The following HACD3 variants were observed in gnomAD, a reference collection of about 807,000 sequenced individuals.
HACD3 encodes 3-hydroxyacyl-CoA dehydratase 3, also known as very-long-chain (3R)-3-hydroxyacyl-CoA dehydratase 3.
Under a neutral mutation model 55.2 loss-of-function variants are expected in HACD3, and 30 were observed. The observed-to-expected ratio is 0.54, with a 90% CI of 0.41 to 0.74. The LOEUF (loss-of-function observed/expected upper bound fraction) is 0.74, where lower values mean the gene tolerates loss of function less well. HACD3 is among the 30% of genes least tolerant of loss of function. The pLI is 0.00. For missense variants in HACD3, 363 were observed against 440.1 expected (o/e 0.82, Z 1.57); for synonymous variants, 141 against 151.7 (o/e 0.93, Z 0.52).
chr15:65,544,203 A>C (rs937229460), intron 1 of HACD3, among the ~76,000 whole-genome samples: 2 of 151,948 alleles, frequency 1.3e-5, no homozygotes, highest in Admixed American at 1.3e-4. Flanking sequence ...TAAAAAGAAA[A>C]TCCGTGAGCC....
intron 10 of HACD3, among the ~76,000 whole-genome samples, chr15:65,575,060 C>T (rs1458902022): frequency 2.0e-5 from 3 of 152,028 alleles, no homozygotes; most frequent in Non-Finnish European, 4.4e-5. Flanking sequence ...ATCTACTTTG[C>T]TTATAGTGAA....
Position 65,530,568 on chromosome 15 carries a change from G to A in HACD3, c.-64G>A. ...GGCCTGCTTTCTGCTCGCGCCAGCAGAGCACTACCTGAGGCAGCGAGGCGC... is the reference window on the plus strand; with the variant it reads ...GGCCTGCTTTCTGCTCGCGCCAGCAAAGCACTACCTGAGGCAGCGAGGCGC... On this transcript the variant is annotated 5_prime_UTR_variant, in exon 1 of 11. Coordinates refer to ENST00000261875, the MANE Select transcript of HACD3 (RefSeq NM_016395.4). The A allele has an allele frequency of 1.4e-6, 2 of 1,448,538 alleles. No homozygotes were observed. The highest frequency in any genetic ancestry group is 1.9e-6 in the Non-Finnish European group (2 of 1,062,044). The allele number at this position is 1,448,538 out of a possible 1,614,324, so 89.7% of individuals were successfully genotyped here.
chr15:65,535,604 G>A, intron 1 of HACD3: 1 of 401,014 alleles, frequency 2.5e-6, no homozygotes. Context: ...TAGTGTCTCT[G>A]TGTTGTATTT....
chr15:65,532,487 T>TGGTG (rs927905933), intron 1 of HACD3, among the ~76,000 whole-genome samples: 1 of 152,034 alleles, frequency 6.6e-6, no homozygotes, highest in Non-Finnish European at 1.5e-5. Flanking sequence ...TAGCCGGGCA[T>TGGTG]GGTGGTGCAT....
At chr15:65,535,344 T>C (rs995760624) in intron 1 of HACD3, among the ~76,000 whole-genome samples, 2 of 152,052 alleles carry the variant, frequency 1.3e-5, no homozygotes, top group African/African-American at 2.4e-5. Flanking sequence ...TACAGACCAA[T>C]AGGCAAAAGA....
chr15:65,539,174 A>G (rs1382923693), intron 1 of HACD3, among the ~76,000 whole-genome samples: 1 of 145,932 alleles, frequency 6.9e-6, no homozygotes, highest in East Asian at 2.0e-4. Context: ...AAAGCCTGAC[A>G]TGACCAAGTG....
At chr15:65,562,721 C>T (rs1355216354) in intron 5 of HACD3, 53 bp from the exon 6 acceptor site, 1 of 1,587,362 alleles carries the variant, frequency 6.3e-7, no homozygotes, top group African/African-American at 1.3e-5. Context: ...ATACACCTGT[C>T]TCCTGCTGGG....
At chr15:65,555,791 C>G (rs1391126554) in intron 3 of HACD3, among the ~76,000 whole-genome samples, 1 of 152,166 alleles carries the variant, frequency 6.6e-6, no homozygotes, top group Non-Finnish European at 1.5e-5. Context: ...CAGTTCTGAT[C>G]TTGATGCAGG....
At chr15:65,566,282 CG>C (rs2072290301) in intron 7 of HACD3, 1 of 164,350 alleles carries the variant, frequency 6.1e-6, no homozygotes, top group South Asian at 2.0e-4. Flanking sequence ...TCCACATTTT[CG>C]GGTATCTTTT....
chr15:65,534,668 A>G (rs1180093879), intron 1 of HACD3, among the ~76,000 whole-genome samples: 1 of 152,224 alleles, frequency 6.6e-6, no homozygotes, highest in Non-Finnish European at 1.5e-5. Context: ...TCTGGTGGAA[A>G]GAGTGCTAAC....
chr15:65,572,927 AAAAT>A (rs1567341527), intron 10 of HACD3, among the ~76,000 whole-genome samples: 32 of 139,298 alleles, frequency 2.3e-4, no homozygotes, highest in Non-Finnish European at 2.9e-4. Flanking sequence ...AAAAAAAAAA[AAAAT>A]AAATAAATAA....
At chr15:65,573,291 T>TG (rs1446024407) in intron 10 of HACD3, among the ~76,000 whole-genome samples, 1 of 152,008 alleles carries the variant, frequency 6.6e-6, no homozygotes, top group Non-Finnish European at 1.5e-5. Context: ...ATAAGGATTT[T>TG]TTTTTGTTGT....
chr15:65,543,134 C>T (rs893428378), intron 1 of HACD3, among the ~76,000 whole-genome samples: 46 of 150,796 alleles, frequency 3.1e-4, no homozygotes, highest in African/African-American at 1.0e-3. Context: ...ACCAAAAGGA[C>T]CTAACTGTGT....
At chr15:65,552,996 T>C (rs1235405811) in intron 2 of HACD3, 1 of 152,036 alleles carries the variant, frequency 6.6e-6, no homozygotes, top group Non-Finnish European at 1.5e-5. Flanking sequence ...TCCAATTTCA[T>C]CCATGTCCCT....
In HACD3 at chr15:65,560,700, C is replaced by T. The variant is rs890948795; in HGVS notation, c.421+1969C>T. 2.0e-4 allele frequency among the ~76,000 whole-genome samples: 29 copies of T among 148,706 alleles called. 1 individual carries two copies. Among genetic ancestry groups the T allele is most frequent in the Admixed American group, 4.8e-4 (7 of 14,726 alleles). On this transcript the variant is annotated intron_variant, in intron 5 of 10. Transcript: ENST00000261875. ...AGACCTGTAGAACTAACTACTTGGG[C>T]GGTGAGGTGGGAGGATGGGTTGACT...
intron 1 of HACD3, among the ~76,000 whole-genome samples, chr15:65,548,512 C>CAAA (rs5813362): frequency 5.0e-5 from 4 of 79,212 alleles, no homozygotes; most frequent in Non-Finnish European, 8.6e-5. Flanking sequence ...GATTCTGTCT[C>CAAA]AAAAAAAAAA....
intron 7 of HACD3, among the ~76,000 whole-genome samples, chr15:65,568,250 GA>G (rs1409897192): frequency 1.3e-5 from 2 of 151,816 alleles, no homozygotes; most frequent in African/African-American, 4.8e-5. Context: ...TTTACAAGAT[GA>G]AAAGAGTTGT....
At chr15:65,559,157 G>C (rs542652685) in intron 5 of HACD3, among the ~76,000 whole-genome samples, 3 of 152,350 alleles carry the variant, frequency 2.0e-5, no homozygotes, top group South Asian at 4.1e-4. Context: ...AGAGTATTCT[G>C]TGTAGTCCTG....
At chr15:65,572,086 A>G in intron 9 of HACD3, 149 bp from the exon 10 acceptor site, 5 of 966,528 alleles carry the variant, frequency 5.2e-6, no homozygotes, top group South Asian at 3.2e-5. Flanking sequence ...GGGGAAAAAA[A>G]GGAGAGGCAT....
Sources: allele counts gnomAD v4.1 joint callset (sites outside exome capture counted in the v4.1 genomes callset), GRCh38; gene constraint gnomAD v4.1.1; transcripts MANE v1.5; gene names NCBI Gene and HGNC (gene_info 2026-07-23, HGNC 2026-07-21).